TTC24: variants seen among roughly 807,000 people sequenced by gnomAD.
TTC24 encodes the protein tetratricopeptide repeat domain 24.
In TTC24, 54 loss-of-function variants were observed where a neutral mutation model predicts 63.3. The ratio of observed to expected loss-of-function variants is 0.85; its 90% CI spans 0.69 to 1.07. The LOEUF is 1.07. Among genes scored for constraint, TTC24 ranks in the 50% least tolerant of loss-of-function variants. The pLI, the probability that TTC24 is intolerant of heterozygous loss-of-function variation, is 0.00. For missense variants in TTC24, 680 were observed against 730.5 expected (o/e 0.93, Z 0.80); for synonymous variants, 276 against 304.3 (o/e 0.91, Z 0.97).
Position 156,586,157 on chromosome 1 carries a change from G to T in TTC24, c.1667+112G>T, listed in dbSNP as rs907002991. The T allele has an allele frequency of 1.6e-5, 14 of 857,758 alleles. No homozygotes were observed. The African/African-American group carries it at 2.4e-4, about 15-fold the overall frequency. The allele number at this position is 857,758 out of a possible 1,614,324, so 53.1% of individuals were successfully genotyped here. On this transcript the variant is annotated intron_variant, in intron 10 of 10. Transcript: ENST00000368236. ...TGCTGTTGAAGTTGGGGGAAGCTGGGATCTCATGCTTGGGATATAGGGCCC... is the reference window on the plus strand; with the variant it reads ...TGCTGTTGAAGTTGGGGGAAGCTGGTATCTCATGCTTGGGATATAGGGCCC...
rs1464754968 is a variant in TTC24 at position 156,583,295 on chromosome 1, G to A, written c.1040-43G>A. 5.4e-5 allele frequency: 86 copies of A among 1,603,770 alleles called. No individual in the cohort carries two copies. The highest frequency in any genetic ancestry group is 7.1e-5 in the Non-Finnish European group (84 of 1,175,316). On this transcript the variant is annotated intron_variant, in intron 4 of 10. Coordinates refer to ENST00000368236, the MANE Select transcript of TTC24 (RefSeq NM_001105669.4). The surrounding 1 kb of genome is among the most constrained non-coding windows in gnomAD (Gnocchi z 4.0). Reference sequence around the variant, plus strand: ...GCCTCTGAGGGGGTGGATCAGTGGGGTAGGAAGTCATGAAAGGACCTTCCA... The same window carrying A: ...GCCTCTGAGGGGGTGGATCAGTGGGATAGGAAGTCATGAAAGGACCTTCCA...
Position 156,585,621 on chromosome 1 carries a change from A to G in TTC24, c.1457-92A>G, listed in dbSNP as rs1015763298. ...GTTGGTAAACCCCAGCTCACTACTC[A>G]ATAGCATCTCCCACAAAGACTTGCA... On this transcript the variant is annotated intron_variant, in intron 8 of 10. Transcript: ENST00000368236. 3.3e-6 allele frequency: 3 copies of G among 919,214 alleles called. No homozygotes were observed. In the South Asian group the frequency reaches 4.1e-5, roughly 13 times the overall value. 56.9% of individuals were successfully genotyped at this position (919,214 alleles called of 1,614,324 possible).
At position 156,581,342 on chromosome 1, in the gene TTC24, C is replaced by T. The variant is rs1340815063; in HGVS notation, c.-4-19C>T. ...GAAGCCAAGGCTGACATACTGAGCC[C>T]TCTGTTCCCCTTTGTCAGCCCTATG... On this transcript the variant is annotated intron_variant, in intron 1 of 10. Coordinates refer to ENST00000368236, the MANE Select transcript of TTC24 (RefSeq NM_001105669.4). 6 of 1,461,180 alleles carry T rather than the reference C, an allele frequency of 4.1e-6. No individual in the cohort carries two copies. The highest frequency in any genetic ancestry group is 2.9e-5 in the South Asian group (2 of 69,146). 90.5% of individuals were successfully genotyped at this position (1,461,180 alleles called of 1,614,324 possible). A position where few individuals can be genotyped will look rare whatever the true frequency, so the allele number is the denominator to read the frequency against.
chr1:156,583,228 G>A lies in TTC24; in HGVS notation c.1039+58G>A. Reference sequence around the variant, plus strand: ...CAGTGGGGAGGCTGAGGGTCCTAGGGGCTGGCGGGGAGGCAGATGGGGGGA... The same window carrying A: ...CAGTGGGGAGGCTGAGGGTCCTAGGAGCTGGCGGGGAGGCAGATGGGGGGA... On this transcript the variant is annotated intron_variant, in intron 4 of 10. Coordinates refer to ENST00000368236, the MANE Select transcript of TTC24 (RefSeq NM_001105669.4). The surrounding 1 kb of genome is among the most constrained non-coding windows in gnomAD (Gnocchi z 4.0). 5 of 1,610,582 alleles carry A rather than the reference G, an allele frequency of 3.1e-6. No homozygotes were observed. Among genetic ancestry groups the A allele is most frequent in the African/African-American group, 1.3e-5 (1 of 74,794 alleles).
intron 2 of TTC24, 53 bp from the exon 3 acceptor site, chr1:156,582,178 C>T (rs938673819): frequency 2.3e-5 from 34 of 1,505,656 alleles, no homozygotes; most frequent in Non-Finnish European, 2.7e-5. Flanking sequence ...GGGGCTGTAC[C>T]AGCCTCATTT....
In TTC24 at chr1:156,583,372, T is replaced by C. The variant is rs891681115; in HGVS notation, c.1074T>C (p.Gly358=). 1 of 1,611,410 alleles carries C rather than the reference T, an allele frequency of 6.2e-7. No homozygotes were observed. The highest frequency in any genetic ancestry group is 8.5e-7 in the Non-Finnish European group (1 of 1,179,000). The part of the protein sequence containing the change: ...DMKGQWQACE[G]LGAAAARLGQ... ...AGGGACAGTGGCAGGCCTGTGAGGG[T>C]CTGGGGGCTGCTGCAGCCAGGCTGG... Residue 358 remains glycine, a synonymous_variant, in exon 5 of 11, where the codon GGT becomes GGC. Transcript: ENST00000368236. The surrounding 1 kb of genome is among the most constrained non-coding windows in gnomAD (Gnocchi z 4.0).
At position 156,583,345 on chromosome 1, in the gene TTC24, G is replaced by T; in HGVS notation, c.1047G>T (p.Met349Ile). The change falls in exon 5 of 11, where the codon ATG (methionine) becomes ATT (isoleucine). Residue 349 changes from methionine to isoleucine, a missense_variant. By Grantham distance (10) the Met-to-Ile change is conservative. Coordinates refer to ENST00000368236, the MANE Select transcript of TTC24 (RefSeq NM_001105669.4). The surrounding 1 kb of genome is among the most constrained non-coding windows in gnomAD (Gnocchi z 4.0). ...ALQAARDSGD[M>I]KGQWQACEGL... ...AGGCTCTCTTTCTCTCAGGGGACAT[G>T]AAGGGACAGTGGCAGGCCTGTGAGG... 1 of 1,612,926 alleles carries T rather than the reference G, an allele frequency of 6.2e-7. No homozygotes were observed. Among genetic ancestry groups the T allele is most frequent in the Non-Finnish European group, 8.5e-7 (1 of 1,179,416 alleles).
intron 10 of TTC24, 70 bp downstream of exon 10, chr1:156,586,115 T>C: frequency 1.7e-6 from 2 of 1,161,410 alleles, no homozygotes; most frequent in Non-Finnish European, 2.5e-6. Context: ...CTTGGGATGA[T>C]TTTAATGAAA....
At position 156,587,046 on chromosome 1, in the gene TTC24, T is replaced by C. The variant is rs944320053; in HGVS notation, c.*496T>C. ...GGCCTGTAGCCTGTAGGACAGCTCC[T>C]GCCAGCAGCCACAGGAACAGTGATG... On this transcript the variant is annotated 3_prime_UTR_variant, in exon 11 of 11. Transcript: ENST00000368236. Among the ~76,000 whole-genome samples, 1 of 151,648 alleles carries C rather than the reference T, an allele frequency of 6.6e-6. No individual in the cohort carries two copies. Among genetic ancestry groups the C allele is most frequent in the African/African-American group, 2.4e-5 (1 of 41,400 alleles).
At position 156,581,545 on chromosome 1, in the gene TTC24, A is replaced by C; in HGVS notation, c.181A>C (p.Arg61=). ...CCATGAAGCCTTGAACAACTTCCAGAGGGCCTTCCTTCTGGCCTCCAAGGC... is the reference window on the plus strand; with the variant it reads ...CCATGAAGCCTTGAACAACTTCCAGCGGGCCTTCCTTCTGGCCTCCAAGGC... ...QNHEALNNFQ[R]AFLLASKAPQ... is the part of the protein sequence containing the mutation. The change falls in exon 2 of 11, where the codon AGG becomes CGG. Residue 61 remains arginine, a synonymous_variant. Coordinates refer to ENST00000368236, the MANE Select transcript of TTC24 (RefSeq NM_001105669.4). 1 of 1,551,272 alleles carries C rather than the reference A, an allele frequency of 6.4e-7. No individual in the cohort carries two copies. Among genetic ancestry groups the C allele is most frequent in the Non-Finnish European group, 8.7e-7 (1 of 1,146,706 alleles).
rs984017106 is a variant in TTC24, at chr1:156,586,018, T to C, written c.1640T>C (p.Leu547Ser). 1 of 1,578,396 alleles carries C rather than the reference T, an allele frequency of 6.3e-7. No homozygotes were observed. The highest frequency in any genetic ancestry group is 8.6e-7 in the Non-Finnish European group (1 of 1,161,914). Residue 547 changes from leucine (L) to serine (S), a missense_variant, in exon 10 of 11, where the codon TTG becomes TCG. Leu to Ser is a moderately radical substitution (Grantham distance 145). Transcript: ENST00000368236. ...CCCAGAGCGGAGTACCCTAGCATCT[T>C]GGTACCCAATGGCCCTCAAGCCAAT... is the stretch of plus-strand genomic sequence containing the variant. ...GPPRAEYPSI[L>S]VPNGPQANRS... is the part of the protein sequence containing the mutation.
intron 3 of TTC24, 65 bp from the exon 4 acceptor site, chr1:156,582,977 G>A: frequency 6.4e-7 from 1 of 1,554,576 alleles, no homozygotes; most frequent in South Asian, 1.2e-5. Flanking sequence ...GGTTGCTGGA[G>A]GGTGGGGTCC....
intron 2 of TTC24, 71 bp from the exon 3 acceptor site, chr1:156,582,160 A>T (rs1397483691): frequency 2.0e-6 from 3 of 1,471,422 alleles, no homozygotes; most frequent in Non-Finnish European, 2.7e-6. Flanking sequence ...ACCCTGGAGG[A>T]GTCGATAGGG....
chr1:156,582,202 C>T (rs1677018496), intron 2 of TTC24, 29 bp from the exon 3 acceptor site: 1 of 1,533,634 alleles, frequency 6.5e-7, no homozygotes, highest in Non-Finnish European at 8.8e-7. Flanking sequence ...TCTGGTCTGG[C>T]TACCAGTGAC....
chr1:156,585,701 T>C lies in TTC24; in HGVS notation c.1457-12T>C, dbSNP rs1460274930. The stretch of plus-strand genomic sequence containing the variant: ...TTGAGCTGACCTGAATTTACCGATG[T>C]CTCCTTTTCAGTGTGTTTCCTTCCA... On this transcript the variant is annotated splice_polypyrimidine_tract_variant and intron_variant, in intron 8 of 10. Transcript: ENST00000368236. The C allele has an allele frequency of 6.3e-7, 1 of 1,595,590 alleles. No homozygotes were observed. Among genetic ancestry groups the C allele is most frequent in the African/African-American group, 1.3e-5 (1 of 74,514 alleles).
rs1449955433 is a variant in TTC24 at position 156,583,479 on chromosome 1, C to T, written c.1152+29C>T. 7 of 1,524,670 alleles carry T rather than the reference C, an allele frequency of 4.6e-6. No homozygotes were observed. The highest frequency in any genetic ancestry group is 6.2e-6 in the Non-Finnish European group (7 of 1,127,452). The allele number at this position is 1,524,670 out of a possible 1,614,324, so 94.4% of individuals were successfully genotyped here. A position where few individuals can be genotyped will look rare whatever the true frequency, so the allele number is the denominator to read the frequency against. Reference sequence around the variant, plus strand: ...AGACCCCGCACACCGGAATCCACCTCTCCCCTGCTATCCCTCTTCTGGCTG... The same window carrying T: ...AGACCCCGCACACCGGAATCCACCTTTCCCCTGCTATCCCTCTTCTGGCTG... On this transcript the variant is annotated intron_variant, in intron 5 of 10. Transcript: ENST00000368236. This position sits in a 1 kb window ranked among gnomAD's most constrained non-coding sequence, Gnocchi z 4.0.
chr1:156,581,975 T>C lies in TTC24; in HGVS notation c.611T>C (p.Met204Thr), dbSNP rs1677011035. 4 of 1,521,462 alleles carry C rather than the reference T, an allele frequency of 2.6e-6. No individual in the cohort carries two copies. In the East Asian group the frequency reaches 9.8e-5, roughly 37 times the overall value. The allele number at this position is 1,521,462 out of a possible 1,614,324, so 94.2% of individuals were successfully genotyped here. Reference sequence around the variant, plus strand: ...GCACTGGGGGCTGCGGCAGGATGTATGCTGAAGAGTGGGCGGCATCGGGTG... The same window carrying C: ...GCACTGGGGGCTGCGGCAGGATGTACGCTGAAGAGTGGGCGGCATCGGGTG... ...ALALGAAAGC[M>T]LKSGRHRVGE... is the part of the protein sequence containing the mutation. The change falls in exon 2 of 11, where the codon ATG becomes ACG. Residue 204 changes from methionine to threonine, a missense_variant. Coordinates refer to ENST00000368236, the MANE Select transcript of TTC24 (RefSeq NM_001105669.4).
intron 8 of TTC24, 127 bp from the exon 9 acceptor site, chr1:156,585,586 G>A (rs563884163): frequency 1.4e-5 from 10 of 715,888 alleles, no homozygotes; most frequent in South Asian, 3.3e-5. Context: ...CCAACACAGC[G>A]CTGGGTGCTG....
chr1:156,586,433 C>T, intron 10 of TTC24, 36 bp from the exon 11 acceptor site: 2 of 1,569,556 alleles, frequency 1.3e-6, no homozygotes, highest in East Asian at 2.3e-5. Flanking sequence ...TCTCCCCAGT[C>T]ACCCCCACTG....
Sources: gnomAD v4.1 joint callset for allele counts (sites outside exome capture counted in the v4.1 genomes callset) on GRCh38, gnomAD v4.1.1 for gene constraint, Gnocchi (gnomAD v3.1) non-coding constraint, MANE v1.5 for transcripts, NCBI Gene and HGNC (gene_info 2026-07-23, HGNC 2026-07-21) for gene names.